Variants in CHRNB1 observed in about 807,000 individuals in gnomAD.
CHRNB1 encodes acetylcholine receptor subunit beta.
In CHRNB1, 47 loss-of-function variants were observed where a neutral mutation model predicts 53.8. The observed-to-expected ratio is 0.87, with a 90% CI of 0.69 to 1.11. CHRNB1 has a LOEUF of 1.11. Ranked by LOEUF, CHRNB1 falls within the 50% of genes most tolerant of loss-of-function variation. The probability of loss-of-function intolerance (pLI) is 0.00; values close to 1 mark genes in which losing one functional copy is unlikely to be tolerated. For missense variants in CHRNB1, 605 were observed against 654.9 expected, an observed-to-expected ratio of 0.92 and a Z score of 0.83; for synonymous variants, 259 against 263.5, an observed-to-expected ratio of 0.98 and a Z score of 0.16.
intron 8 of CHRNB1, 127 bp downstream of exon 8, chr17:7,454,647 G>C: frequency 1.3e-6 from 1 of 756,752 alleles, no homozygotes; most frequent in African/African-American, 1.7e-5. Flanking sequence ...AGTTAAGCTA[G>C]CCCCCATCAT....
intron 10 of CHRNB1, 55 bp from the exon 11 acceptor site, chr17:7,456,528 G>T (rs558614486): frequency 6.2e-7 from 1 of 1,610,638 alleles, no homozygotes. Flanking sequence ...AAATGGGGGG[G>T]TTTCCCTGGG....
chr17:7,455,488 G>A (rs760029039), intron 9 of CHRNB1, 32 bp downstream of exon 9: 1 of 1,612,004 alleles, frequency 6.2e-7, no homozygotes, highest in Non-Finnish European at 8.5e-7. Context: ...ACATAAGAGG[G>A]AGAGGGAGAA....
In CHRNB1 at chr17:7,446,988, G is replaced by A. The variant is rs376712316; in HGVS notation, c.353+46G>A. ...CGGGAGGTGGCGCGGGGCCTCGGGG[G>A]GCGGGGGGCCTCCGGGCGCGGGGCC... On this transcript the variant is annotated intron_variant, in intron 4 of 10. Coordinates refer to ENST00000306071, the MANE Select transcript of CHRNB1 (RefSeq NM_000747.3). 2.4e-5 allele frequency: 39 copies of A among 1,605,366 alleles called. No homozygotes were observed. The Middle Eastern group carries it at 4.9e-4, about 20-fold the overall frequency.
chr17:7,455,270 C>T lies in CHRNB1; in HGVS notation c.1045-14C>T. 1 of 1,613,986 alleles carries T rather than the reference C, an allele frequency of 6.2e-7. No homozygotes were observed. The highest frequency in any genetic ancestry group is 8.5e-7 in the Non-Finnish European group (1 of 1,179,918). ...CATGAAAGCCCCCACCAATACGCCT[C>T]TTCTACTCTGCAGATCTTCATTCAC... On this transcript the variant is annotated splice_polypyrimidine_tract_variant and intron_variant, in intron 8 of 10. Coordinates refer to ENST00000306071, the MANE Select transcript of CHRNB1 (RefSeq NM_000747.3).
rs765354765 is a variant in CHRNB1 at position 7,455,356 on chromosome 17, C to A, written c.1117C>A (p.Pro373Thr). ...PKPERDLMPE[P>T]PHCSSPGSGW... ...ACCCGAGAGAGACCTGATGCCGGAG[C>A]CCCCTCACTGTTCTTCTCCAGGAAG... Residue 373 changes from proline (P) to threonine (T), a missense_variant, in exon 9 of 11, where the codon CCC becomes ACC. Transcript: ENST00000306071. 1.2e-6 allele frequency: 2 copies of A among 1,614,142 alleles called. No individual in the cohort carries two copies. Among genetic ancestry groups the A allele is most frequent in the Non-Finnish European group, 1.7e-6 (2 of 1,180,032 alleles).
intron 7 of CHRNB1, among the ~76,000 whole-genome samples, chr17:7,451,112 G>A (rs1567678633): frequency 6.6e-6 from 1 of 152,098 alleles, no homozygotes; most frequent in South Asian, 2.1e-4. Flanking sequence ...CGTTTCAAAG[G>A]GACTCTAGAC....
intron 5 of CHRNB1, 148 bp downstream of exon 5, chr17:7,447,299 C>A: frequency 1.1e-6 from 1 of 914,646 alleles, no homozygotes; most frequent in Non-Finnish European, 1.7e-6. Flanking sequence ...TCCTGGTTTT[C>A]CATTGAGTGT....
chr17:7,455,557 G>T, intron 9 of CHRNB1, 101 bp downstream of exon 9: 2 of 1,446,860 alleles, frequency 1.4e-6, no homozygotes, highest in Non-Finnish European at 1.9e-6. Flanking sequence ...AGACGCTGTG[G>T]TTGAGCATCA....
Position 7,445,396 on chromosome 17 carries a change from A to G in CHRNB1, c.185A>G (p.Gln62Arg), listed in dbSNP as rs1908562302. ...GTCAGCGTTGGTCTCATCCTGGCGC[A>G]ACTCATCAGCCTGGTGAGGGCGCGC... Reference protein sequence around the residue: ...VRVSVGLILAQLISLNEKDEE... With the variant: ...VRVSVGLILARLISLNEKDEE... Residue 62 changes from glutamine to arginine, a missense_variant, in exon 2 of 11, where the codon CAA becomes CGA. Coordinates refer to ENST00000306071, the MANE Select transcript of CHRNB1 (RefSeq NM_000747.3). The surrounding 1 kb of genome is among the most constrained non-coding windows in gnomAD (Gnocchi z 5.7). The G allele has an allele frequency of 6.2e-7, 1 of 1,611,938 alleles. No homozygotes were observed. Among genetic ancestry groups the G allele is most frequent in the East Asian group, 2.2e-5 (1 of 44,800 alleles).
chr17:7,452,682 T>C (rs1339230343), intron 7 of CHRNB1, among the ~76,000 whole-genome samples: 1 of 152,282 alleles, frequency 6.6e-6, no homozygotes, highest in African/African-American at 2.4e-5. Flanking sequence ...TACTGCCCTT[T>C]CCCTAGAAAT....
In CHRNB1 at chr17:7,447,215, C is replaced by T. The variant is rs1908676750; in HGVS notation, c.462+64C>T. On this transcript the variant is annotated intron_variant, in intron 5 of 10. Transcript: ENST00000306071. ...CAAATCCTCCCTTTCCTTAGACATC[C>T]TGACTCCCCGGCGACTCCCATCCTT... The T allele has an allele frequency of 5.8e-6, 8 of 1,384,252 alleles. No homozygotes were observed. The South Asian group carries it at 7.0e-5, about 12-fold the overall frequency. 85.7% of individuals were successfully genotyped at this position (1,384,252 alleles called of 1,614,324 possible).
chr17:7,445,098 G>T lies in CHRNB1; in HGVS notation c.-30G>T. On this transcript the variant is annotated 5_prime_UTR_variant, in exon 1 of 11. Coordinates refer to ENST00000306071, the MANE Select transcript of CHRNB1 (RefSeq NM_000747.3). This position sits in a 1 kb window ranked among gnomAD's most constrained non-coding sequence, Gnocchi z 5.7. ...GTGCTGGCGGTCCCAGCGGCTCTCT[G>T]AGCGAAGTCACTGAGCGAGCCGCCA... The T allele has an allele frequency of 6.2e-7, 1 of 1,602,968 alleles. No homozygotes were observed. Among genetic ancestry groups the T allele is most frequent in the South Asian group, 1.1e-5 (1 of 90,204 alleles).
chr17:7,456,438 G>A lies in CHRNB1; in HGVS notation c.1366-145G>A, dbSNP rs9901900. The A allele has an allele frequency of 0.16, 154,006 of 958,098 alleles. 13,419 individuals are homozygous for A. The highest frequency in any genetic ancestry group is 0.21 in the South Asian group (16,204 of 76,438). 59.3% of individuals were successfully genotyped at this position (958,098 alleles called of 1,614,324 possible). On this transcript the variant is annotated intron_variant, in intron 10 of 10. Coordinates refer to ENST00000306071, the MANE Select transcript of CHRNB1 (RefSeq NM_000747.3). ...GGTTCTTTATGCCCATGCATTGCCTGCAGTCTCGCTCTCCTGTTGGCGCTG... is the reference window on the plus strand; with the variant it reads ...GGTTCTTTATGCCCATGCATTGCCTACAGTCTCGCTCTCCTGTTGGCGCTG...
In CHRNB1 at chr17:7,454,603, G is replaced by A. The variant is rs189153402; in HGVS notation, c.1044+83G>A. ...TATAGCTATGTGGCAGAGTGTTGAA[G>A]TGTCCAAGCTTGTTGAGTGTTGAAA... is the stretch of plus-strand genomic sequence containing the variant. On this transcript the variant is annotated intron_variant, in intron 8 of 10. Coordinates refer to ENST00000306071, the MANE Select transcript of CHRNB1 (RefSeq NM_000747.3). 1,416 of 1,133,148 alleles carry A rather than the reference G, an allele frequency of 1.2e-3. 2 individuals carry two copies. Among genetic ancestry groups the A allele is most frequent in the Admixed American group, 2.7e-3 (152 of 55,908 alleles). 70.2% of individuals were successfully genotyped at this position (1,133,148 alleles called of 1,614,324 possible). A position where few individuals can be genotyped will look rare whatever the true frequency, so the allele number is the denominator to read the frequency against.
At chr17:7,449,960 C>T (rs1332401223) in intron 7 of CHRNB1, among the ~76,000 whole-genome samples, 12 of 151,228 alleles carry the variant, frequency 7.9e-5, no homozygotes, top group Non-Finnish European at 1.5e-4. Flanking sequence ...AGGAGAATGG[C>T]GTGAACCCGG....
chr17:7,452,524 G>A (rs1908927064), intron 7 of CHRNB1, among the ~76,000 whole-genome samples: 2 of 152,200 alleles, frequency 1.3e-5, no homozygotes, highest in African/African-American at 2.4e-5. Flanking sequence ...CTCGACTCCA[G>A]ACCAAATTGA....
At position 7,456,844 on chromosome 17, in the gene CHRNB1, T is replaced by C. The variant is rs189934411; in HGVS notation, c.*121T>C. The C allele has an allele frequency of 1.1e-5, 15 of 1,372,128 alleles. No individual in the cohort carries two copies. The African/African-American group carries it at 1.6e-4, about 14-fold the overall frequency. The allele number at this position is 1,372,128 out of a possible 1,614,324, so 85.0% of individuals were successfully genotyped here. ...CGAGGAATCTGGGCCTCTTATTTCG[T>C]TTCTGGGGACTGCATTGGACTGAGG... On this transcript the variant is annotated 3_prime_UTR_variant, in exon 11 of 11. Transcript: ENST00000306071.
rs374554803 is a variant in CHRNB1 at position 7,456,663 on chromosome 17, G to A, written c.1446G>A (p.Gly482=). Residue 482 remains glycine, a synonymous_variant, in exon 11 of 11, where the codon GGG becomes GGA. Coordinates refer to ENST00000306071, the MANE Select transcript of CHRNB1 (RefSeq NM_000747.3). ...CTTTCATCATCTTCACCAGCGTTGG[G>A]ACCCTAGTCATCTTCCTGGACGCCA... ...LWTFIIFTSV[G]TLVIFLDATY... 6.2e-7 allele frequency: 1 copy of A among 1,614,122 alleles called. No individual in the cohort carries two copies. The highest frequency in any genetic ancestry group is 1.3e-5 in the African/African-American group (1 of 74,996).
At position 7,445,214 on chromosome 17, in the gene CHRNB1, C is replaced by CGGGGCCAGCGGTCGTGGCCA. The variant is rs1567676245; in HGVS notation, c.58+32_59-34dup. Reference sequence around the variant, plus strand: ...AGTGTAGGCCCCGAAGGGGCAGTGACGGGGCCAGCGGTCGTGGCCAGGCAC... The same window carrying CGGGGCCAGCGGTCGTGGCCA: ...AGTGTAGGCCCCGAAGGGGCAGTGACGGGGCCAGCGGTCGTGGCCAGGGGCCAGCGGTCGTGGCCAGGCAC... On this transcript the variant is annotated intron_variant, in intron 1 of 10. Coordinates refer to ENST00000306071, the MANE Select transcript of CHRNB1 (RefSeq NM_000747.3). The surrounding 1 kb of genome is among the most constrained non-coding windows in gnomAD (Gnocchi z 5.7). 2.5e-6 allele frequency: 4 copies of CGGGGCCAGCGGTCGTGGCCA among 1,611,268 alleles called. No individual in the cohort carries two copies. The highest frequency in any genetic ancestry group is 4.5e-5 in the East Asian group (2 of 44,800).
Sources: gnomAD v4.1 joint callset for allele counts (sites outside exome capture counted in the v4.1 genomes callset) on GRCh38, gnomAD v4.1.1 for gene constraint, Gnocchi (gnomAD v3.1) non-coding constraint, MANE v1.5 for transcripts, NCBI Gene and HGNC (gene_info 2026-07-23, HGNC 2026-07-21) for gene names.